Variants in CADM2 observed in about 807,000 individuals in gnomAD.
CADM2 encodes immunoglobulin superfamily member 4D.
CADM2 carries 12 observed loss-of-function variants against 49.8 expected under a neutral mutation model. That is an observed-to-expected ratio of 0.24 (90% CI 0.15 to 0.39). The LOEUF is 0.39. Among genes scored for constraint, CADM2 ranks in the 10% least tolerant of loss-of-function variants. The pLI, the probability that CADM2 is intolerant of heterozygous loss-of-function variation, is 1.00. For synonymous variants in CADM2, 214 were observed against 175.4 expected (o/e 1.22, Z -1.74); for missense variants, 378 against 492.3 (o/e 0.77, Z 2.20).
chr3:85,055,595 G>T (rs2036051220), intron 1 of CADM2, among the ~76,000 whole-genome samples: 1 of 151,942 alleles, frequency 6.6e-6, no homozygotes, highest in African/African-American at 2.4e-5. Context: ...TTTTATGATA[G>T]GTTTATTTGC....
At chr3:85,660,264 G>A (rs2065358698) in intron 1 of CADM2, among the ~76,000 whole-genome samples, 1 of 152,062 alleles carries the variant, frequency 6.6e-6, no homozygotes, top group Non-Finnish European at 1.5e-5. Context: ...CTCCCTAAAT[G>A]GATGGAATAT....
intron 1 of CADM2, among the ~76,000 whole-genome samples, chr3:85,437,672 C>T (rs2036995119): frequency 6.6e-6 from 1 of 151,942 alleles, no homozygotes; most frequent in Admixed American, 6.6e-5. Flanking sequence ...TAATAAGTAT[C>T]ATTATTTAAA....
At chr3:85,006,332 C>T (rs1307841931) in intron 1 of CADM2, among the ~76,000 whole-genome samples, 1 of 152,120 alleles carries the variant, frequency 6.6e-6, no homozygotes, top group Non-Finnish European at 1.5e-5. Flanking sequence ...GCCACACAAC[C>T]TTAGATCACA....
Position 84,959,106 on chromosome 3 carries a change from A to T in CADM2, c.-502A>T. The T allele has an allele frequency of 5.2e-6, 1 of 193,876 alleles. No individual in the cohort carries two copies. Among genetic ancestry groups the T allele is most frequent in the Non-Finnish European group, 1.1e-5 (1 of 94,702 alleles). 12.0% of individuals were successfully genotyped at this position (193,876 alleles called of 1,614,324 possible). A position where few individuals can be genotyped will look rare whatever the true frequency, so the allele number is the denominator to read the frequency against. On this transcript the variant is annotated 5_prime_UTR_variant, in exon 1 of 10. Coordinates refer to ENST00000383699, the MANE Select transcript of CADM2 (RefSeq NM_001167675.2). ...TGCTACCGCCACTAGCGCTGCTTCC[A>T]CTGCTTCTACCTCCCCTCCCAGGAC... is the stretch of plus-strand genomic sequence containing the variant.
chr3:85,941,693 G>T (rs1475600221), intron 7 of CADM2, among the ~76,000 whole-genome samples: 1 of 152,028 alleles, frequency 6.6e-6, no homozygotes, highest in Non-Finnish European at 1.5e-5. Flanking sequence ...TTTGATGCGT[G>T]TGGGAAAAGC....
chr3:85,935,495 A>T (rs9829446), intron 6 of CADM2, among the ~76,000 whole-genome samples: 105,926 of 151,958 alleles, frequency 0.7, 38,523 homozygotes, highest in African/African-American at 0.92. Flanking sequence ...TCTCAACCAC[A>T]TTTTGCAATT....
chr3:85,748,608 A>G (rs1257705703), intron 2 of CADM2, among the ~76,000 whole-genome samples: 6 of 152,102 alleles, frequency 3.9e-5, no homozygotes, highest in African/African-American at 1.4e-4. Flanking sequence ...TCAGTTTCAC[A>G]TCATCTGAAA....
chr3:85,359,666 A>ATATATATATATTTTTTTTTTTT, intron 1 of CADM2, among the ~76,000 whole-genome samples: 2 of 26,554 alleles, frequency 7.5e-5, no homozygotes, highest in African/African-American at 2.1e-4. Flanking sequence ...ATATATATAT[A>ATATATATATATTTTTTTTTTTT]TTTTTTTTTT....
At chr3:85,671,047 G>A (rs1034716249) in intron 1 of CADM2, among the ~76,000 whole-genome samples, 1 of 152,142 alleles carries the variant, frequency 6.6e-6, no homozygotes, top group Admixed American at 6.5e-5. Flanking sequence ...CAAATTTCTA[G>A]AAGACTTGGC....
chr3:85,014,064 A>G (rs1406702566), intron 1 of CADM2, among the ~76,000 whole-genome samples: 4 of 146,570 alleles, frequency 2.7e-5, no homozygotes, highest in Non-Finnish European at 6.0e-5. Flanking sequence ...GCAGTGTAAT[A>G]ATATTGTATA....
chr3:85,412,909 A>C (rs2035722146), intron 1 of CADM2, among the ~76,000 whole-genome samples: 1 of 151,778 alleles, frequency 6.6e-6, no homozygotes, highest in Non-Finnish European at 1.5e-5. Flanking sequence ...TGGGAGGCCG[A>C]GGCGGGCGGA....
intron 1 of CADM2, among the ~76,000 whole-genome samples, chr3:85,406,115 C>G (rs1169791182): frequency 6.6e-6 from 1 of 151,566 alleles, no homozygotes; most frequent in Non-Finnish European, 1.5e-5. Flanking sequence ...TTTTAGAGAC[C>G]AACCAATAGA....
chr3:85,224,711 C>G (rs2042116496), intron 1 of CADM2, among the ~76,000 whole-genome samples: 1 of 152,162 alleles, frequency 6.6e-6, no homozygotes, highest in South Asian at 2.1e-4. Context: ...CCTAAGTTTT[C>G]TTCTAGGGTT....
Position 85,915,712 on chromosome 3 carries a change from T to C in CADM2, c.700+3169T>C, listed in dbSNP as rs147688044. Among the ~76,000 whole-genome samples the C allele has an allele frequency of 3.4e-3, 517 of 152,238 alleles. 1 individual carries two copies. The highest frequency in any genetic ancestry group is 4.3e-3 in the Non-Finnish European group (295 of 68,002). On this transcript the variant is annotated intron_variant, in intron 6 of 9. Coordinates refer to ENST00000383699, the MANE Select transcript of CADM2 (RefSeq NM_001167675.2). ...CAGCCTTGGAAACGAAGAAGATGGGTTAATCTGGGATTTATGGAGCATAAT... is the reference window on the plus strand; with the variant it reads ...CAGCCTTGGAAACGAAGAAGATGGGCTAATCTGGGATTTATGGAGCATAAT...
At chr3:85,160,084 A>T (rs2040269726) in intron 1 of CADM2, among the ~76,000 whole-genome samples, 1 of 152,182 alleles carries the variant, frequency 6.6e-6, no homozygotes, top group African/African-American at 2.4e-5. Context: ...GAGGGTTGGT[A>T]GCTAAAACGG....
intron 8 of CADM2, among the ~76,000 whole-genome samples, chr3:86,004,580 G>T (rs1408518204): frequency 1.3e-5 from 2 of 152,050 alleles, no homozygotes; most frequent in African/African-American, 4.8e-5. Context: ...ACATTTCCCG[G>T]GCTTTTAGTC....
chr3:85,130,708 A>C (rs964391674), intron 1 of CADM2, among the ~76,000 whole-genome samples: 1 of 152,186 alleles, frequency 6.6e-6, no homozygotes, highest in African/African-American at 2.4e-5. Flanking sequence ...AAATCCATTG[A>C]TTTTGTAAGT....
At chr3:85,312,348 G>A (rs958155833) in intron 1 of CADM2, among the ~76,000 whole-genome samples, 11 of 152,126 alleles carry the variant, frequency 7.2e-5, no homozygotes, top group African/African-American at 1.2e-4. Flanking sequence ...GTTGTGCTAT[G>A]TGGTTGAGAT....
At position 85,963,279 on chromosome 3, in the gene CADM2, A is replaced by G. The variant is rs182857399; in HGVS notation, c.970+1632A>G. ...TTTCTAGCACTTCATGAATTGTACA[A>G]AATTCAACTTTGGAAAAATTAGCCT... On this transcript the variant is annotated intron_variant, in intron 8 of 9. Transcript: ENST00000383699. Among the ~76,000 whole-genome samples, 235 of 152,088 alleles carry G rather than the reference A, an allele frequency of 1.5e-3. 4 individuals carry two copies. Among genetic ancestry groups the G allele is most frequent in the Non-Finnish European group, 2.8e-3 (193 of 67,934 alleles).
Sources: gnomAD v4.1 joint callset for allele counts (sites outside exome capture counted in the v4.1 genomes callset) on GRCh38, gnomAD v4.1.1 for gene constraint, MANE v1.5 for transcripts, NCBI Gene and HGNC (gene_info 2026-07-23, HGNC 2026-07-21) for gene names.